The following DPY19L3 variants were observed in gnomAD, a reference collection of about 807,000 sequenced individuals.
DPY19L3 encodes the protein dpy-19 like C-mannosyltransferase 3, also known as protein C-mannosyl-transferase DPY19L3.
A neutral mutation model predicts 92.3 loss-of-function variants in DPY19L3; 51 were observed. The observed-to-expected ratio is 0.55, with a 90% CI of 0.44 to 0.70. The LOEUF (loss-of-function observed/expected upper bound fraction) is 0.70. Ranked by LOEUF, DPY19L3 falls within the 30% of genes least tolerant of loss-of-function variation. DPY19L3 has a pLI of 0.00. For missense variants in DPY19L3, 706 were observed against 855.9 expected (o/e 0.82, Z 2.18); for synonymous variants, 309 against 315.2 (o/e 0.98, Z 0.21).
chr19:32,456,079 CTTTTTTTTTTTT>C (rs899726982), intron 10 of DPY19L3, among the ~76,000 whole-genome samples: 34 of 103,404 alleles, frequency 3.3e-4, no homozygotes, highest in Non-Finnish European at 2.4e-4. Context: ...TCACTATGTT[CTTTTTTTTTTTT>C]TTTTTTTTTG....
At chr19:32,416,983 A>G (rs1364707730) in intron 3 of DPY19L3, among the ~76,000 whole-genome samples, 10 of 152,146 alleles carry the variant, frequency 6.6e-5, no homozygotes, top group African/African-American at 1.9e-4. Flanking sequence ...CCTTAGCACA[A>G]ATTAGGAGCT....
At chr19:32,408,419 C>T in intron 2 of DPY19L3, 63 bp downstream of exon 2, 1 of 1,233,678 alleles carries the variant, frequency 8.1e-7, no homozygotes, top group East Asian at 2.4e-5. Context: ...TAAAATGTCA[C>T]TCTCCAATAG....
intron 3 of DPY19L3, among the ~76,000 whole-genome samples, chr19:32,424,470 C>CA (rs898768809): frequency 3.5e-4 from 51 of 144,920 alleles, no homozygotes; most frequent in African/African-American, 4.5e-4. Flanking sequence ...ACTAAAAATA[C>CA]AAAAAAAAAA....
In DPY19L3 at chr19:32,460,813, C is replaced by A. The variant is rs978288138; in HGVS notation, c.1322+2304C>A. 3.3e-5 allele frequency among the ~76,000 whole-genome samples: 5 copies of A among 151,934 alleles called. No homozygotes were observed. In the East Asian group the frequency reaches 9.7e-4, roughly 29 times the overall value. On this transcript the variant is annotated intron_variant, in intron 12 of 18. Transcript: ENST00000392250. Reference sequence around the variant, plus strand: ...TGCCAAGTATTTAAAGTATTTCTACCTTTTTAGTACTAGGAAGGATGATAC... The same window carrying A: ...TGCCAAGTATTTAAAGTATTTCTACATTTTTAGTACTAGGAAGGATGATAC...
At chr19:32,413,835 C>G (rs969642829) in intron 3 of DPY19L3, among the ~76,000 whole-genome samples, 1 of 152,102 alleles carries the variant, frequency 6.6e-6, no homozygotes, top group Non-Finnish European at 1.5e-5. Context: ...AAGCATTACT[C>G]TCACCTTAGC....
At chr19:32,438,610 G>T (rs1398412906) in intron 6 of DPY19L3, among the ~76,000 whole-genome samples, 1 of 152,138 alleles carries the variant, frequency 6.6e-6, no homozygotes, top group Non-Finnish European at 1.5e-5. Context: ...TGAATGCCTA[G>T]TATGTGTGGG....
intron 15 of DPY19L3, among the ~76,000 whole-genome samples, chr19:32,466,031 T>C (rs1328158133): frequency 6.6e-6 from 1 of 152,240 alleles, no homozygotes. Flanking sequence ...ATGAATGTTT[T>C]TCTCACCACT....
intron 3 of DPY19L3, among the ~76,000 whole-genome samples, chr19:32,419,301 C>T (rs2145423882): frequency 6.6e-6 from 1 of 151,848 alleles, no homozygotes; most frequent in African/African-American, 2.4e-5. Context: ...GCTGGGACTA[C>T]AGGTGCCCGC....
rs1969145487 is a variant in DPY19L3 at position 32,436,548 on chromosome 19, A to G, written c.431A>G (p.Tyr144Cys). The G allele has an allele frequency of 6.4e-7, 1 of 1,569,584 alleles. No homozygotes were observed. Among genetic ancestry groups the G allele is most frequent in the Non-Finnish European group, 8.7e-7 (1 of 1,153,214 alleles). Residue 144 changes from tyrosine (Y) to cysteine (C), a missense_variant, in exon 5 of 19, where the codon TAT becomes TGT. Physicochemically the swap from Tyr to Cys is radical, Grantham distance 194 (BLOSUM62 -2). Coordinates refer to ENST00000392250, the MANE Select transcript of DPY19L3 (RefSeq NM_001172774.2). Reference sequence around the variant, plus strand: ...CAAGAGGTTTTTCTCAGTATTTTATATAGAGTTCTACCCATACAGGTATGT... The same window carrying G: ...CAAGAGGTTTTTCTCAGTATTTTATGTAGAGTTCTACCCATACAGGTATGT... ...IYQEVFLSIL[Y>C]RVLPIQKYLE... is the part of the protein sequence containing the mutation.
At chr19:32,479,806 A>G (rs16967139) in intron 17 of DPY19L3, among the ~76,000 whole-genome samples, 2,625 of 152,288 alleles carry the variant, frequency 0.017, 32 homozygotes, top group Middle Eastern at 0.071. Flanking sequence ...GTGTGCTGCA[A>G]GTGGCTCTCA....
chr19:32,430,942 A>T (rs1968945341), intron 3 of DPY19L3, among the ~76,000 whole-genome samples: 1 of 152,000 alleles, frequency 6.6e-6, no homozygotes, highest in Non-Finnish European at 1.5e-5. Flanking sequence ...GGTTCTTTTA[A>T]TGAGATGTTT....
At chr19:32,425,075 AAC>A (rs910262192) in intron 3 of DPY19L3, among the ~76,000 whole-genome samples, 95 of 152,352 alleles carry the variant, frequency 6.2e-4, no homozygotes, top group African/African-American at 2.2e-3. Flanking sequence ...CACAAAAATT[AAC>A]TCAAGATGGA....
intron 4 of DPY19L3, among the ~76,000 whole-genome samples, chr19:32,435,614 C>T (rs1389127352): frequency 6.6e-6 from 1 of 152,174 alleles, no homozygotes; most frequent in Non-Finnish European, 1.5e-5. Flanking sequence ...TATAATCTCA[C>T]AGAGTGTATT....
intron 16 of DPY19L3, among the ~76,000 whole-genome samples, chr19:32,474,850 A>G (rs532930969): frequency 6.6e-6 from 1 of 152,306 alleles, no homozygotes; most frequent in East Asian, 1.9e-4. Context: ...TGGCCGTCCA[A>G]AGTGCTGGGA....
At chr19:32,425,823 A>C (rs1454634538) in intron 3 of DPY19L3, among the ~76,000 whole-genome samples, 1 of 152,118 alleles carries the variant, frequency 6.6e-6, no homozygotes, top group Non-Finnish European at 1.5e-5. Flanking sequence ...ATTTCACATC[A>C]TTCTTAATAA....
chr19:32,413,036 A>G (rs899777407), intron 3 of DPY19L3: 1 of 152,018 alleles, frequency 6.6e-6, no homozygotes, highest in Non-Finnish European at 1.5e-5. Flanking sequence ...TCCTCTTGGC[A>G]TTGTTTTCAG....
At chr19:32,405,974 G>T (rs1041945104) in intron 1 of DPY19L3, 65 bp downstream of exon 1, 1 of 151,246 alleles carries the variant, frequency 6.6e-6, no homozygotes, top group South Asian at 2.1e-4. Context: ...GGCGCCGGCG[G>T]AACCCTCGGC....
In DPY19L3 at chr19:32,463,530, C is replaced by T. The variant is rs758802662; in HGVS notation, c.1445+42C>T. 4 of 1,583,596 alleles carry T rather than the reference C, an allele frequency of 2.5e-6. No individual in the cohort carries two copies. The African/African-American group carries it at 4.1e-5, about 16-fold the overall frequency. ...TGTTTGTTTACTTTTTATTTGATCA[C>T]TCTTGATGTTACTTAGCAATATAAT... On this transcript the variant is annotated intron_variant, in intron 13 of 18. Coordinates refer to ENST00000392250, the MANE Select transcript of DPY19L3 (RefSeq NM_001172774.2).
intron 16 of DPY19L3, chr19:32,469,184 A>C (rs1196487224): frequency 6.1e-6 from 1 of 162,714 alleles, no homozygotes; most frequent in Non-Finnish European, 1.3e-5. Flanking sequence ...CTGATTTTCC[A>C]CTAATGGTGA....
Sources: gnomAD v4.1 joint callset for allele counts (sites outside exome capture counted in the v4.1 genomes callset) on GRCh38, gnomAD v4.1.1 for gene constraint, MANE v1.5 for transcripts, NCBI Gene and HGNC (gene_info 2026-07-23, HGNC 2026-07-21) for gene names.